The following FHIT variants were observed in gnomAD, a reference collection of about 807,000 sequenced individuals.
FHIT encodes bis(5'-adenosyl)-triphosphatase.
A neutral mutation model predicts 17.9 loss-of-function variants in FHIT; 19 were observed. The observed-to-expected ratio is 1.06, with a 90% confidence interval of 0.74 to 1.56. FHIT has a LOEUF of 1.56. FHIT is among the 40% of genes most tolerant of loss of function. The pLI is 0.00. For missense variants in FHIT, 248 were observed against 189.2 expected (o/e 1.31, Z -1.82); for synonymous variants, 81 against 69.7 (o/e 1.16, Z -0.81).
chr3:61,129,443 T>C (rs2106950313), intron 2 of FHIT, among the ~76,000 whole-genome samples: 1 of 152,300 alleles, frequency 6.6e-6, no homozygotes, highest in Admixed American at 6.5e-5. Context: ...AATGGATGAA[T>C]AGTTGGAACA....
At chr3:60,213,486 C>G (rs1576318194) in intron 5 of FHIT, among the ~76,000 whole-genome samples, 1 of 152,340 alleles carries the variant, frequency 6.6e-6, no homozygotes, top group East Asian at 1.9e-4. Context: ...CCAAGTCAAG[C>G]TCCCACAGGC....
intron 4 of FHIT, among the ~76,000 whole-genome samples, chr3:60,680,163 T>A: frequency 6.6e-6 from 1 of 152,228 alleles, no homozygotes; most frequent in South Asian, 2.1e-4. Context: ...CAGTTTGCTC[T>A]GTGAATGATA....
At chr3:61,115,344 G>T (rs1269003787) in intron 2 of FHIT, among the ~76,000 whole-genome samples, 1 of 152,078 alleles carries the variant, frequency 6.6e-6, no homozygotes, top group African/African-American at 2.4e-5. Context: ...TGTGTCTAGA[G>T]AGAGCCTGGC....
chr3:60,633,029 A>G (rs1553682834), intron 4 of FHIT, among the ~76,000 whole-genome samples: 1 of 152,210 alleles, frequency 6.6e-6, no homozygotes, highest in Non-Finnish European at 1.5e-5. Context: ...TGTAAGAAGA[A>G]CCATGCTGTG....
At chr3:60,010,853 G>T (rs1700109892) in intron 7 of FHIT, among the ~76,000 whole-genome samples, 1 of 151,780 alleles carries the variant, frequency 6.6e-6, no homozygotes, top group African/African-American at 2.4e-5. Context: ...ACACAGGGAG[G>T]AAAAGAGTAG....
At chr3:60,857,333 T>C (rs1703430900) in intron 3 of FHIT, among the ~76,000 whole-genome samples, 1 of 152,184 alleles carries the variant, frequency 6.6e-6, no homozygotes, top group African/African-American at 2.4e-5. Context: ...CTCCCTATCA[T>C]GTTCCATGAT....
chr3:59,805,131 TCA>T (rs1700146293), intron 8 of FHIT, among the ~76,000 whole-genome samples: 1 of 152,052 alleles, frequency 6.6e-6, no homozygotes, highest in African/African-American at 2.4e-5. Flanking sequence ...AATAAGAAAC[TCA>T]AAGTGTCCCT....
intron 8 of FHIT, among the ~76,000 whole-genome samples, chr3:59,774,303 C>G (rs1222050191): frequency 1.3e-5 from 2 of 152,188 alleles, no homozygotes; most frequent in Non-Finnish European, 2.9e-5. Flanking sequence ...ACTGAATAGC[C>G]TGAAGAGCTT....
intron 3 of FHIT, among the ~76,000 whole-genome samples, chr3:60,955,607 T>TATATATATATACATATATATATATAC (rs1263115699): frequency 1.7e-4 from 2 of 11,546 alleles, no homozygotes; most frequent in African/African-American, 4.6e-4. Flanking sequence ...CATATATATA[T>TATATATATATACATATATATATATAC]ATATATATAT....
At chr3:60,957,233 C>CTTTTTTTTTTTTTTTT (rs35221092) in intron 3 of FHIT, among the ~76,000 whole-genome samples, 18 of 97,130 alleles carry the variant, frequency 1.9e-4, no homozygotes, top group East Asian at 5.2e-4. Context: ...TTCTTTCTTT[C>CTTTTTTTTTTTTTTTT]TTTTTTTTTT....
chr3:60,491,151 G>T lies in FHIT; in HGVS notation c.103+45709C>A, dbSNP rs141748725. ...TATTAAATAAGCTCAGATCTGAAAG[G>T]TAAACAATAAGCTACTGAAATATGA... On this transcript the variant is annotated intron_variant, in intron 5 of 9. Transcript: ENST00000492590. Among the ~76,000 whole-genome samples the T allele has an allele frequency of 1.8e-3, 275 of 152,176 alleles. 2 individuals carry two copies. The highest frequency in any genetic ancestry group is 6.4e-3 in the African/African-American group (266 of 41,532).
chr3:59,982,388 T>A (rs1432074866), intron 7 of FHIT, among the ~76,000 whole-genome samples: 1 of 152,124 alleles, frequency 6.6e-6, no homozygotes, highest in Non-Finnish European at 1.5e-5. Context: ...AAAAATTAAT[T>A]TGTGGTTTTA....
At chr3:59,986,511 A>AAATATATTTATATTTATACATT (rs1708913131) in intron 7 of FHIT, among the ~76,000 whole-genome samples, 1 of 11,368 alleles carries the variant, frequency 8.8e-5, no homozygotes, top group African/African-American at 3.1e-4. Flanking sequence ...ATATATATAT[A>AAATATATTTATATTTATACATT]TATATATATA....
chr3:59,911,254 G>C (rs1048819614), intron 8 of FHIT, among the ~76,000 whole-genome samples: 1 of 152,032 alleles, frequency 6.6e-6, no homozygotes, highest in African/African-American at 2.4e-5. Flanking sequence ...AAATTAATTA[G>C]ATCAGTTGTC....
At chr3:60,531,450 T>C (rs2035782053) in intron 5 of FHIT, among the ~76,000 whole-genome samples, 1 of 151,878 alleles carries the variant, frequency 6.6e-6, no homozygotes, top group African/African-American at 2.4e-5. Context: ...GGCTAATTTT[T>C]TGTATTTTTA....
intron 2 of FHIT, among the ~76,000 whole-genome samples, chr3:61,183,933 G>C (rs941108955): frequency 1.1e-4 from 16 of 151,856 alleles, no homozygotes; most frequent in Admixed American, 2.0e-4. Flanking sequence ...TCCTGGGTTG[G>C]TGATGACCAC....
At chr3:59,837,859 G>T (rs1346985323) in intron 8 of FHIT, among the ~76,000 whole-genome samples, 2 of 152,002 alleles carry the variant, frequency 1.3e-5, no homozygotes, top group Non-Finnish European at 2.9e-5. Context: ...GTGGGGGGGT[G>T]GTGTGGGAAT....
chr3:60,530,889 C>CT (rs2035752473), intron 5 of FHIT, among the ~76,000 whole-genome samples: 1 of 152,170 alleles, frequency 6.6e-6, no homozygotes, highest in African/African-American at 2.4e-5. Flanking sequence ...CTGCTTGTAG[C>CT]TGGTGGCCAT....
intron 3 of FHIT, among the ~76,000 whole-genome samples, chr3:61,041,198 C>T (rs186657240): frequency 1.3e-5 from 2 of 152,022 alleles, no homozygotes; most frequent in East Asian, 3.9e-4. Context: ...GGCCAACATG[C>T]GGAAACCCTG....
Sources: allele counts gnomAD v4.1 joint callset (sites outside exome capture counted in the v4.1 genomes callset), GRCh38; gene constraint gnomAD v4.1.1; transcripts MANE v1.5; gene names NCBI Gene and HGNC (gene_info 2026-07-23, HGNC 2026-07-21).